OR3A2: variants seen among roughly 807,000 people sequenced by gnomAD.
OR3A2 encodes the protein olfactory receptor family 3 subfamily A member 2.
For missense variants in OR3A2, 318 were observed against 392.8 expected, an observed-to-expected ratio of 0.81 and a Z score of 1.61; for synonymous variants, 126 against 159.3, an observed-to-expected ratio of 0.79 and a Z score of 1.57.
Position 3,278,691 on chromosome 17 carries a change from C to T in OR3A2, c.227G>A (p.Cys76Tyr), listed in dbSNP as rs200707501. 564 of 1,350,416 alleles carry T rather than the reference C, an allele frequency of 4.2e-4. 7 individuals carry two copies. In the East Asian group the frequency reaches 0.014, roughly 33 times the overall value. 83.7% of individuals were successfully genotyped at this position (1,350,416 alleles called of 1,614,324 possible). Residue 76 changes from cysteine to tyrosine, a missense_variant, in exon 2 of 2, where the codon TGT (cysteine) becomes TAT (tyrosine). Coordinates refer to ENST00000642052, the Ensembl canonical transcript of OR3A2. ...CATTGCAGGAACAGTGACAGTGATACATCCGACATCCAGCACTGACAGGTT... is the reference window on the plus strand; with the variant it reads ...CATTGCAGGAACAGTGACAGTGATATATCCGACATCCAGCACTGACAGGTT...
intron 2 of OR3A2, among the ~76,000 whole-genome samples, chr17:3,381,745 TC>T (rs1234632702): frequency 1.3e-5 from 2 of 152,202 alleles, no homozygotes; most frequent in African/African-American, 2.4e-5. Flanking sequence ...TCTAGAATTC[TC>T]TCCTACTCCT....
chr17:3,385,459 A>G (rs1444800533), intron 1 of OR3A2, among the ~76,000 whole-genome samples: 1 of 152,216 alleles, frequency 6.6e-6, no homozygotes, highest in African/African-American at 2.4e-5. Context: ...GGATAGATAG[A>G]TAGATAGATA....
At chr17:3,326,357 G>C (rs1567555545) in intron 3 of OR3A2, among the ~76,000 whole-genome samples, 2 of 151,980 alleles carry the variant, frequency 1.3e-5, no homozygotes, top group South Asian at 2.1e-4. Flanking sequence ...AAAAACCATA[G>C]AAGAAAATCT....
intron 3 of OR3A2, among the ~76,000 whole-genome samples, chr17:3,331,223 G>C (rs375261138): frequency 4.6e-5 from 7 of 151,826 alleles, no homozygotes; most frequent in East Asian, 3.9e-4. Flanking sequence ...GAGTAACTTT[G>C]TGGCGTTCTC....
At position 3,362,050 on chromosome 17, in the gene OR3A2, CT is replaced by C. The variant is rs910324880; in HGVS notation, c.-179+21753del. On this transcript the variant is annotated intron_variant, in intron 2 of 4. Coordinates refer to the OR3A2 transcript ENST00000573491. Reference sequence around the variant, plus strand: ...GGCTGTGAATCCGTCTAGTCCTGGACTTTTTTTGGTTGGTAGGCTATAAATT... The same window carrying C: ...GGCTGTGAATCCGTCTAGTCCTGGACTTTTTTGGTTGGTAGGCTATAAATT... Among the ~76,000 whole-genome samples, 4 of 151,530 alleles carry C rather than the reference CT, an allele frequency of 2.6e-5. No homozygotes were observed. In the East Asian group the frequency reaches 7.7e-4, roughly 29 times the overall value.
intron 2 of OR3A2, among the ~76,000 whole-genome samples, chr17:3,374,893 T>C (rs3943124): frequency 0.14 from 20,929 of 149,832 alleles, 1,771 homozygotes; most frequent in African/African-American, 0.24. Flanking sequence ...CCAAAGTCCA[T>C]TGTATCATTC....
intron 3 of OR3A2, among the ~76,000 whole-genome samples, chr17:3,324,243 C>G (rs561345753): frequency 1.3e-5 from 2 of 152,164 alleles, no homozygotes; most frequent in Non-Finnish European, 2.9e-5. Context: ...ATTGGTTGTT[C>G]TAGTTATCCA....
chr17:3,361,123 AG>A (rs773179059), intron 2 of OR3A2, among the ~76,000 whole-genome samples: 6 of 151,302 alleles, frequency 4.0e-5, no homozygotes, highest in Non-Finnish European at 5.9e-5. Flanking sequence ...CTCCTTGAAG[AG>A]GTCCTTCACA....
At chr17:3,344,157 AC>A (rs2049344204) in intron 2 of OR3A2, among the ~76,000 whole-genome samples, 1 of 152,170 alleles carries the variant, frequency 6.6e-6, no homozygotes, top group Non-Finnish European at 1.5e-5. Context: ...GTGGCATGTT[AC>A]AAAAATGAGC....
chr17:3,375,159 T>C (rs2049669616), intron 2 of OR3A2, among the ~76,000 whole-genome samples: 1 of 123,282 alleles, frequency 8.1e-6, no homozygotes, highest in East Asian at 2.3e-4. Context: ...TTTTTTTTTT[T>C]TTTTTTTTTT....
intron 2 of OR3A2, among the ~76,000 whole-genome samples, chr17:3,360,236 T>C (rs1202788751): frequency 6.7e-6 from 1 of 148,176 alleles, no homozygotes; most frequent in East Asian, 2.0e-4. Flanking sequence ...GAAGTGTCTG[T>C]TCATATCCTT....
At chr17:3,308,514 G>T (rs2049015220) in intron 3 of OR3A2, among the ~76,000 whole-genome samples, 1 of 152,158 alleles carries the variant, frequency 6.6e-6, no homozygotes, top group African/African-American at 2.4e-5. Flanking sequence ...GGATTTGGGT[G>T]CTTCAATGTG....
chr17:3,337,502 CAT>C (rs1264102433), intron 2 of OR3A2, among the ~76,000 whole-genome samples: 2 of 152,164 alleles, frequency 1.3e-5, no homozygotes, highest in African/African-American at 2.4e-5. Flanking sequence ...TCATTTCTCA[CAT>C]ATGAGTGAGA....
chr17:3,301,994 C>T (rs563654822), intron 3 of OR3A2, among the ~76,000 whole-genome samples: 11 of 152,122 alleles, frequency 7.2e-5, no homozygotes, highest in Middle Eastern at 3.4e-3. Context: ...CCATTCACAA[C>T]TGCTTCAAAG....
rs138648338 is a variant in OR3A2, at chr17:3,323,291, T to C, written c.-85+12742A>G. Among the ~76,000 whole-genome samples the C allele has an allele frequency of 8.0e-3, 1,224 of 152,178 alleles. 15 individuals are homozygous for C. Among genetic ancestry groups the C allele is most frequent in the African/African-American group, 0.028 (1,144 of 41,528 alleles). ...ACGTGAGATGGGTTCAGCACACTAATGGGTCTTGACTCTTTATCCAATTTG... is the reference window on the plus strand; with the variant it reads ...ACGTGAGATGGGTTCAGCACACTAACGGGTCTTGACTCTTTATCCAATTTG... On this transcript the variant is annotated intron_variant, in intron 3 of 4. Coordinates refer to the OR3A2 transcript ENST00000573491.
At chr17:3,329,082 GC>G (rs1170726461) in intron 3 of OR3A2, among the ~76,000 whole-genome samples, 1 of 151,540 alleles carries the variant, frequency 6.6e-6, no homozygotes, top group Non-Finnish European at 1.5e-5. Context: ...TGGTGGATAT[GC>G]TTTTTGATGT....
intron 2 of OR3A2, among the ~76,000 whole-genome samples, chr17:3,349,766 G>A (rs1248113197): frequency 6.6e-6 from 1 of 151,482 alleles, no homozygotes; most frequent in South Asian, 2.1e-4. Context: ...TTCCAAAATT[G>A]ACCACATACT....
Position 3,307,196 on chromosome 17 carries a change from C to G in OR3A2, c.-84-28043G>C, listed in dbSNP as rs963010539. The stretch of plus-strand genomic sequence containing the variant: ...GGCCCCAGGGACTCATAGGCAGTTT[C>G]TGGAAAGGAGGAGACCTGCAATGAG... On this transcript the variant is annotated intron_variant, in intron 3 of 4. Coordinates refer to the OR3A2 transcript ENST00000573491. Among the ~76,000 whole-genome samples, 36 of 152,210 alleles carry G rather than the reference C, an allele frequency of 2.4e-4. 1 individual carries two copies.
intron 3 of OR3A2, among the ~76,000 whole-genome samples, chr17:3,307,285 T>G (rs1431431714): frequency 6.6e-6 from 1 of 152,206 alleles, no homozygotes; most frequent in Admixed American, 6.5e-5. Flanking sequence ...CAGCCTCCGG[T>G]ATGTCAGGAG....
Sources: gnomAD v4.1 joint callset for allele counts (sites outside exome capture counted in the v4.1 genomes callset) on GRCh38, gnomAD v4.1.1 for gene constraint, MANE v1.5 for transcripts, NCBI Gene and HGNC (gene_info 2026-07-23, HGNC 2026-07-21) for gene names.